The following RTL4 variants were observed in gnomAD, a reference collection of about 807,000 sequenced individuals.
The protein encoded by RTL4 is retrotransposon Gag-like protein 4.
Under a neutral mutation model 5.3 loss-of-function variants are expected in RTL4, and 4 were observed. The ratio of observed to expected loss-of-function variants is 0.75; its 90% CI spans 0.37 to 1.72. The LOEUF (loss-of-function observed/expected upper bound fraction) is 1.72, where lower values mean the gene tolerates loss of function less well. Among genes scored for constraint, RTL4 ranks in the 40% most tolerant of loss-of-function variants. The pLI is 0.04. For synonymous variants in RTL4, 98 were observed against 87.3 expected (o/e 1.12, Z -0.68); for missense variants, 260 against 227.1 (o/e 1.14, Z -0.93).
the RTL4 span, among the ~76,000 whole-genome samples, chrX:112,193,053 G>A: frequency 1.7e-4 from 19 of 111,425 alleles, no homozygotes; most frequent in South Asian, 7.4e-4. Flanking sequence ...TTTTTTATTC[G>A]TCAGTATTTT....
At chrX:112,163,439 C>T in the RTL4 span, among the ~76,000 whole-genome samples, 1 of 111,503 alleles carries the variant, frequency 9.0e-6, no homozygotes, top group Non-Finnish European at 1.9e-5. Flanking sequence ...CCAATCTCAT[C>T]TCTGCATGCT....
chrX:112,203,438 G>A, the RTL4 span, among the ~76,000 whole-genome samples: 1 of 111,414 alleles, frequency 9.0e-6, no homozygotes, highest in Non-Finnish European at 1.9e-5. Flanking sequence ...TATAGGGAGT[G>A]AGGTTTAGGT....
At chrX:112,304,121 G>T in the RTL4 span, among the ~76,000 whole-genome samples, 1 of 110,634 alleles carries the variant, frequency 9.0e-6, no homozygotes, top group Non-Finnish European at 1.9e-5. Context: ...GATACCCAAG[G>T]AAGGCTGCCT....
the RTL4 span, among the ~76,000 whole-genome samples, chrX:112,252,004 G>A: frequency 1.8e-5 from 2 of 111,472 alleles, no homozygotes; most frequent in African/African-American, 6.5e-5. Flanking sequence ...CACCCACAGA[G>A]GCATCAATCT....
chrX:112,398,420 G>A, the RTL4 span, among the ~76,000 whole-genome samples: 27 of 60,076 alleles, frequency 4.5e-4, no homozygotes, highest in Non-Finnish European at 7.4e-4. Flanking sequence ...TTTTTTTTGA[G>A]ACAGAGTCTC....
chrX:112,429,644 C>T, the RTL4 span, among the ~76,000 whole-genome samples: 1 of 111,323 alleles, frequency 9.0e-6, no homozygotes, highest in East Asian at 2.8e-4. Flanking sequence ...TTTTCTAATA[C>T]TCTTCCTTAT....
chrX:112,154,989 T>C, the RTL4 span, among the ~76,000 whole-genome samples: 1 of 111,108 alleles, frequency 9.0e-6, no homozygotes, highest in African/African-American at 3.3e-5. Flanking sequence ...TATGTTTTTC[T>C]GCCATATGAG....
At chrX:112,366,816 T>C in the RTL4 span, among the ~76,000 whole-genome samples, 20 of 111,922 alleles carry the variant, frequency 1.8e-4, no homozygotes, top group Admixed American at 1.8e-3. Context: ...CCACAGTCTT[T>C]CTTCCTTGGT....
the RTL4 span, among the ~76,000 whole-genome samples, chrX:112,328,314 C>T: frequency 9.0e-6 from 1 of 110,708 alleles, no homozygotes; most frequent in Non-Finnish European, 1.9e-5. Context: ...GGAGGAAGAT[C>T]TGCCAAGCAA....
chrX:112,280,486 T>C, the RTL4 span, among the ~76,000 whole-genome samples: 3 of 110,921 alleles, frequency 2.7e-5, no homozygotes, highest in Non-Finnish European at 5.7e-5. Flanking sequence ...TGTGTGTTTG[T>C]TTTTCTTTCT....
At chrX:112,295,850 G>A in the RTL4 span, among the ~76,000 whole-genome samples, 1 of 112,459 alleles carries the variant, frequency 8.9e-6, no homozygotes, top group Non-Finnish European at 1.9e-5. Context: ...TGCACAGAGT[G>A]TTTTTATATT....
the RTL4 span, among the ~76,000 whole-genome samples, chrX:112,428,173 C>A: frequency 9.0e-6 from 1 of 111,419 alleles, no homozygotes; most frequent in African/African-American, 3.2e-5. Context: ...ATTCATTGGT[C>A]AGTGAGCACT....
the RTL4 span, among the ~76,000 whole-genome samples, chrX:112,097,609 C>T: frequency 2.7e-5 from 3 of 111,613 alleles, no homozygotes; most frequent in Non-Finnish European, 5.7e-5. Flanking sequence ...ACGCTCTAGC[C>T]TGGGTGACAG....
chrX:112,105,031 A>T, the RTL4 span, among the ~76,000 whole-genome samples: 1 of 111,766 alleles, frequency 8.9e-6, no homozygotes, highest in South Asian at 3.7e-4. Flanking sequence ...CAGATCGTAC[A>T]TTTAATTCTG....
chrX:112,440,415 C>T, the RTL4 span, among the ~76,000 whole-genome samples: 2 of 111,360 alleles, frequency 1.8e-5, no homozygotes, highest in African/African-American at 3.3e-5. Flanking sequence ...TACATCCTTG[C>T]AGAAGACAGG....
At chrX:112,230,533 G>T in the RTL4 span, among the ~76,000 whole-genome samples, 1 of 112,143 alleles carries the variant, frequency 8.9e-6, no homozygotes, top group African/African-American at 3.2e-5. Flanking sequence ...TGCACCCACT[G>T]TCTGGCACTC....
chrX:112,225,404 G>A, the RTL4 span, among the ~76,000 whole-genome samples: 1 of 111,758 alleles, frequency 8.9e-6, no homozygotes, highest in African/African-American at 3.3e-5. Flanking sequence ...GCTTTTTGTT[G>A]CCAACTTCTT....
At chrX:112,456,647 C>T in exon 1 of RTL4, 3 of 249,908 alleles carry the variant, frequency 1.2e-5, no homozygotes, top group Non-Finnish European at 2.3e-5. Flanking sequence ...CAGCCAGACC[C>T]TGCAGTAGTT....
chrX:112,148,173 C>T, the RTL4 span, among the ~76,000 whole-genome samples: 1 of 109,778 alleles, frequency 9.1e-6, no homozygotes, highest in Non-Finnish European at 1.9e-5. Context: ...GCTTCCTGCT[C>T]ATTTGCTGTT....
Sources: gnomAD v4.1 joint callset for allele counts (sites outside exome capture counted in the v4.1 genomes callset) on GRCh38, gnomAD v4.1.1 for gene constraint, MANE v1.5 for transcripts, NCBI Gene and HGNC (gene_info 2026-07-23, HGNC 2026-07-21) for gene names.